Variants in ERBB4 observed in about 807,000 individuals in gnomAD.
ERBB4 encodes the protein receptor tyrosine-protein kinase erbB-4.
A neutral mutation model predicts 158.0 loss-of-function variants in ERBB4; 42 were observed. The ratio of observed to expected loss-of-function variants is 0.27; its 90% CI spans 0.21 to 0.34. The LOEUF is 0.34. Ranked by LOEUF, ERBB4 falls within the 10% of genes least tolerant of loss-of-function variation. The pLI, the probability that ERBB4 is intolerant of heterozygous loss-of-function variation, is 1.00. For missense variants in ERBB4, 1,333 were observed against 1,624.1 expected (o/e 0.82, Z 3.08); for synonymous variants, 583 against 558.7 (o/e 1.04, Z -0.61).
chr2:212,429,039 G>A lies in ERBB4; in HGVS notation c.82+109410C>T, dbSNP rs2091971159. The A allele has an allele frequency of 2.0e-5, 3 of 152,286 alleles. No individual in the cohort carries two copies. The South Asian group carries it at 6.2e-4, about 32-fold the overall frequency. 9.4% of individuals were successfully genotyped at this position (152,286 alleles called of 1,614,324 possible). On this transcript the variant is annotated intron_variant, in intron 1 of 27. Transcript: ENST00000342788. ...TATTAATTTTAAGAGTTTGAGCAAT[G>A]TAAAGGAATTACTAGGGACAGTGCA...
intron 20 of ERBB4, among the ~76,000 whole-genome samples, chr2:211,540,490 A>G (rs895988784): frequency 9.2e-5 from 14 of 151,832 alleles, no homozygotes; most frequent in Non-Finnish European, 1.9e-4. Context: ...TAAGAAGATG[A>G]TGGCATTTTA....
chr2:212,148,160 T>A (rs1176150297), intron 1 of ERBB4, among the ~76,000 whole-genome samples: 2 of 152,002 alleles, frequency 1.3e-5, no homozygotes, highest in East Asian at 1.9e-4. Context: ...TTTTTTTTAT[T>A]CAGAGTGAAA....
intron 4 of ERBB4, among the ~76,000 whole-genome samples, chr2:211,758,793 C>T (rs1450397946): frequency 6.6e-6 from 1 of 152,180 alleles, no homozygotes; most frequent in Non-Finnish European, 1.5e-5. Flanking sequence ...ACAACCTGTT[C>T]AGCTATATGT....
At chr2:212,135,658 T>A (rs565493613) in intron 1 of ERBB4, among the ~76,000 whole-genome samples, 1 of 152,208 alleles carries the variant, frequency 6.6e-6, no homozygotes, top group East Asian at 1.9e-4. Flanking sequence ...AGAAATACAA[T>A]TGTCAGAAAT....
chr2:212,078,987 G>T (rs563796074), intron 2 of ERBB4, among the ~76,000 whole-genome samples: 17 of 150,578 alleles, frequency 1.1e-4, no homozygotes, highest in Admixed American at 1.1e-3. Flanking sequence ...ACCTATCCAC[G>T]TTAGTATTTA....
intron 3 of ERBB4, among the ~76,000 whole-genome samples, chr2:211,860,365 C>T (rs1419770587): frequency 6.6e-6 from 1 of 152,166 alleles, no homozygotes; most frequent in Non-Finnish European, 1.5e-5. Flanking sequence ...TCTTAAATTG[C>T]TGCTTTCTTT....
At chr2:212,445,661 T>C (rs746455266) in intron 1 of ERBB4, among the ~76,000 whole-genome samples, 11 of 152,210 alleles carry the variant, frequency 7.2e-5, no homozygotes, top group Admixed American at 2.0e-4. Flanking sequence ...AGTATTACCA[T>C]GCCCTATGAT....
intron 1 of ERBB4, among the ~76,000 whole-genome samples, chr2:212,176,765 T>A (rs900451924): frequency 6.6e-6 from 1 of 151,898 alleles, no homozygotes; most frequent in Admixed American, 6.6e-5. Flanking sequence ...TTTTATAATG[T>A]GTATGTCAGT....
At chr2:212,175,083 A>T (rs2081621142) in intron 1 of ERBB4, among the ~76,000 whole-genome samples, 1 of 151,980 alleles carries the variant, frequency 6.6e-6, no homozygotes, top group Non-Finnish European at 1.5e-5. Context: ...TTATTCTTTC[A>T]TCAAGATCTG....
chr2:212,249,734 T>C (rs2084458672), intron 1 of ERBB4, among the ~76,000 whole-genome samples: 1 of 152,050 alleles, frequency 6.6e-6, no homozygotes, highest in African/African-American at 2.4e-5. Context: ...TTCTCATTTA[T>C]GGGTTAAGCC....
chr2:212,303,493 C>A (rs2086697567), intron 1 of ERBB4, among the ~76,000 whole-genome samples: 1 of 151,362 alleles, frequency 6.6e-6, no homozygotes. Flanking sequence ...CTCTATTTAT[C>A]TAGCACGTGT....
intron 5 of ERBB4, among the ~76,000 whole-genome samples, chr2:211,744,660 G>A (rs1313333864): frequency 2.6e-5 from 4 of 152,118 alleles, no homozygotes; most frequent in Admixed American, 1.3e-4. Flanking sequence ...TGTCTTTAGC[G>A]TGGCTTCTCA....
intron 3 of ERBB4, among the ~76,000 whole-genome samples, chr2:211,921,899 T>A (rs1022494531): frequency 3.9e-5 from 6 of 152,160 alleles, no homozygotes; most frequent in African/African-American, 1.4e-4. Flanking sequence ...GTTATTTTAA[T>A]AATTGCTATT....
intron 20 of ERBB4, among the ~76,000 whole-genome samples, chr2:211,509,765 AT>A (rs2065843543): frequency 6.6e-6 from 1 of 152,148 alleles, no homozygotes; most frequent in Admixed American, 6.5e-5. Flanking sequence ...AACCAAACCC[AT>A]TAAAAAGTGG....
At chr2:211,516,229 T>A (rs774159686) in intron 20 of ERBB4, among the ~76,000 whole-genome samples, 1 of 151,856 alleles carries the variant, frequency 6.6e-6, no homozygotes, top group Non-Finnish European at 1.5e-5. Context: ...ATTTTAATAT[T>A]TTCACCACCA....
At chr2:211,913,617 ATATGTGTGTGTGTG>A (rs1474346756) in intron 3 of ERBB4, among the ~76,000 whole-genome samples, 3 of 118,432 alleles carry the variant, frequency 2.5e-5, no homozygotes, top group Admixed American at 9.2e-5. Flanking sequence ...ATATATATAT[ATATGTGTGTGTGTG>A]TGTGTGTGTG....
intron 20 of ERBB4, among the ~76,000 whole-genome samples, chr2:211,466,475 G>A (rs1456248659): frequency 6.6e-6 from 1 of 151,474 alleles, no homozygotes; most frequent in Non-Finnish European, 1.5e-5. Context: ...AATTTTTGTT[G>A]AATCCAGGAC....
At chr2:212,211,629 A>AAAAAAAAAC (rs148929858) in intron 1 of ERBB4, among the ~76,000 whole-genome samples, 6 of 148,492 alleles carry the variant, frequency 4.0e-5, no homozygotes, top group Non-Finnish European at 4.5e-5. Context: ...AAAAAAAAAA[A>AAAAAAAAAC]TGGATACATG....
At chr2:211,495,254 A>G (rs2065441698) in intron 20 of ERBB4, among the ~76,000 whole-genome samples, 1 of 152,122 alleles carries the variant, frequency 6.6e-6, no homozygotes, top group Non-Finnish European at 1.5e-5. Flanking sequence ...AAATATTTTT[A>G]GATTAAGTGT....
Sources: allele counts gnomAD v4.1 joint callset (sites outside exome capture counted in the v4.1 genomes callset), GRCh38; gene constraint gnomAD v4.1.1; transcripts MANE v1.5; gene names NCBI Gene and HGNC (gene_info 2026-07-23, HGNC 2026-07-21).